DPP10: variants seen among roughly 807,000 people sequenced by gnomAD.
The protein encoded by DPP10 is dipeptidyl peptidase like 10.
Under a neutral mutation model 120.9 loss-of-function variants are expected in DPP10, and 33 were observed. The observed-to-expected ratio is 0.27, with a 90% confidence interval of 0.21 to 0.37. The LOEUF (loss-of-function observed/expected upper bound fraction) is 0.37, where lower values mean the gene tolerates loss of function less well. DPP10 is among the 10% of genes least tolerant of loss of function. DPP10 has a pLI of 1.00. For synonymous variants in DPP10, 337 were observed against 326.1 expected, an observed-to-expected ratio of 1.03 and a Z score of -0.36; for missense variants, 816 against 942.8, an observed-to-expected ratio of 0.87 and a Z score of 1.76.
chr2:114,784,630 C>G (rs768255918), intron 1 of DPP10, among the ~76,000 whole-genome samples: 2 of 152,080 alleles, frequency 1.3e-5, no homozygotes, highest in Non-Finnish European at 2.9e-5. Context: ...TCTTTTCCCC[C>G]CAATATCCAT....
intron 1 of DPP10, among the ~76,000 whole-genome samples, chr2:115,285,113 T>A (rs776732256): frequency 3.3e-5 from 5 of 152,020 alleles, no homozygotes; most frequent in Non-Finnish European, 4.4e-5. Context: ...ATTCTGTGAA[T>A]GAGAAAGCTA....
At chr2:114,734,893 G>A (rs1312197751) in intron 1 of DPP10, among the ~76,000 whole-genome samples, 3 of 152,170 alleles carry the variant, frequency 2.0e-5, no homozygotes, top group Non-Finnish European at 4.4e-5. Context: ...AGTTCTGGAT[G>A]TTGGAAGTCC....
At chr2:115,151,192 C>A (rs1487300931) in intron 1 of DPP10, among the ~76,000 whole-genome samples, 3 of 151,902 alleles carry the variant, frequency 2.0e-5, no homozygotes, top group Non-Finnish European at 4.4e-5. Flanking sequence ...TCATTTTTTT[C>A]TCTCTAAGAT....
intron 1 of DPP10, among the ~76,000 whole-genome samples, chr2:114,898,504 CAAAATA>C (rs916083097): frequency 1.3e-4 from 19 of 146,872 alleles, no homozygotes; most frequent in African/African-American, 4.8e-4. Context: ...ATAATAATAA[CAAAATA>C]AAAAAAAAAA....
rs185606944 is a variant in DPP10 at position 115,493,106 on chromosome 2, A to G, written c.272-6404A>G. 5.7e-3 allele frequency among the ~76,000 whole-genome samples: 864 copies of G among 152,076 alleles called. 4 individuals carry two copies. The highest frequency in any genetic ancestry group is 8.1e-3 in the Non-Finnish European group (552 of 67,990). ...AAATATATGTTAAATTTTATATTTT[A>G]TTATTAGGAAGCCACAGGTCTTTGA... On this transcript the variant is annotated intron_variant, in intron 3 of 25. Coordinates refer to ENST00000410059, the MANE Select transcript of DPP10 (RefSeq NM_020868.6).
chr2:115,008,177 A>G (rs1701993176), intron 1 of DPP10, among the ~76,000 whole-genome samples: 1 of 131,044 alleles, frequency 7.6e-6, no homozygotes, highest in African/African-American at 2.9e-5. Flanking sequence ...ACTTCAAACT[A>G]TACTACAAGG....
chr2:115,697,485 A>C (rs1257903018), intron 7 of DPP10, among the ~76,000 whole-genome samples: 1 of 151,906 alleles, frequency 6.6e-6, no homozygotes, highest in Non-Finnish European at 1.5e-5. Context: ...AGACAAATAA[A>C]TCAATACAGT....
At chr2:115,097,321 G>A (rs570105473) in intron 1 of DPP10, among the ~76,000 whole-genome samples, 2 of 152,138 alleles carry the variant, frequency 1.3e-5, no homozygotes, top group East Asian at 3.9e-4. Flanking sequence ...AAAATACAGA[G>A]ACTCCAAATC....
At chr2:115,348,530 C>T (rs2063826390) in intron 3 of DPP10, among the ~76,000 whole-genome samples, 1 of 151,688 alleles carries the variant, frequency 6.6e-6, no homozygotes, top group Non-Finnish European at 1.5e-5. Flanking sequence ...TTAGGGAGTG[C>T]ATGTGCAGGT....
At chr2:115,590,288 G>A (rs2082565503) in intron 5 of DPP10, among the ~76,000 whole-genome samples, 1 of 151,732 alleles carries the variant, frequency 6.6e-6, no homozygotes, top group Non-Finnish European at 1.5e-5. Context: ...ATTTACATTA[G>A]GTATATCTCC....
chr2:115,107,873 A>G (rs769624070), intron 1 of DPP10, among the ~76,000 whole-genome samples: 3 of 152,204 alleles, frequency 2.0e-5, no homozygotes, highest in Non-Finnish European at 4.4e-5. Context: ...ATAAAAGAAT[A>G]TATTAATATA....
intron 1 of DPP10, among the ~76,000 whole-genome samples, chr2:114,495,195 A>T (rs1682404670): frequency 6.6e-6 from 1 of 152,186 alleles, no homozygotes; most frequent in African/African-American, 2.4e-5. Context: ...TGCTTAAAAG[A>T]TGTCCTCATC....
chr2:115,419,485 A>T (rs1461184337), intron 3 of DPP10, among the ~76,000 whole-genome samples: 2 of 152,124 alleles, frequency 1.3e-5, no homozygotes. Flanking sequence ...GAGCTAGTAG[A>T]GGGGAGGACT....
At chr2:115,712,366 T>A (rs1241225209) in intron 7 of DPP10, among the ~76,000 whole-genome samples, 1 of 150,762 alleles carries the variant, frequency 6.6e-6, no homozygotes, top group African/African-American at 2.4e-5. Context: ...TGGGAGTGGC[T>A]GTAAGCACAG....
At chr2:114,841,283 G>A (rs1469148296) in intron 1 of DPP10, among the ~76,000 whole-genome samples, 4 of 152,128 alleles carry the variant, frequency 2.6e-5, no homozygotes. Flanking sequence ...TGAGATTCAG[G>A]AAAGCTTGTG....
At chr2:115,462,210 C>T (rs1426015009) in intron 3 of DPP10, among the ~76,000 whole-genome samples, 1 of 152,114 alleles carries the variant, frequency 6.6e-6, no homozygotes, top group Non-Finnish European at 1.5e-5. Context: ...TCCTCTATGC[C>T]TCCCTTTTCC....
At chr2:115,608,454 G>T (rs1447174889) in intron 5 of DPP10, among the ~76,000 whole-genome samples, 1 of 151,978 alleles carries the variant, frequency 6.6e-6, no homozygotes, top group East Asian at 1.9e-4. Context: ...CCTGCCAAAC[G>T]TACTCTGTCA....
intron 1 of DPP10, among the ~76,000 whole-genome samples, chr2:115,279,475 T>C (rs2060052667): frequency 6.6e-6 from 1 of 151,984 alleles, no homozygotes; most frequent in Non-Finnish European, 1.5e-5. Context: ...AATAAGAAGC[T>C]GGCTCCAGAA....
chr2:115,784,658 C>G (rs189103526), intron 17 of DPP10, among the ~76,000 whole-genome samples: 1 of 152,012 alleles, frequency 6.6e-6, no homozygotes, highest in African/African-American at 2.4e-5. Flanking sequence ...CTCAGCCCCC[C>G]GAGTAGCTGG....
Sources: gnomAD v4.1 joint callset for allele counts (sites outside exome capture counted in the v4.1 genomes callset) on GRCh38, gnomAD v4.1.1 for gene constraint, MANE v1.5 for transcripts, NCBI Gene and HGNC (gene_info 2026-07-23, HGNC 2026-07-21) for gene names.